Variants in OTOF observed in about 807,000 individuals in gnomAD.
OTOF encodes the protein otoferlin, also known as fer-1-like family member 2.
OTOF carries 218 observed loss-of-function variants against 236.8 expected under a neutral mutation model. The ratio of observed to expected loss-of-function variants is 0.92; its 90% CI spans 0.82 to 1.03. The LOEUF is 1.03. Among genes scored for constraint, OTOF ranks in the 50% least tolerant of loss-of-function variants. The pLI is 0.00. For synonymous variants in OTOF, 1,041 were observed against 1,072.5 expected (o/e 0.97, Z 0.57); for missense variants, 2,590 against 2,694.4 (o/e 0.96, Z 0.86).
rs140082965 is a variant in OTOF at position 26,466,714 on chromosome 2, C to G, written c.4500G>C (p.Arg1500=). ...INVLVRVYVV[R]ATDLHPADIN... is the part of the protein sequence containing the mutation. ...GGAGGGAAAGCGACGGGAGTCTCAC[C>G]CGGACCACATAGACTCGGACCAGCA... The change falls in exon 36 of 47, where the codon CGG becomes CGC. Residue 1500 remains arginine, a splice_region_variant and synonymous_variant. Coordinates refer to ENST00000272371, the MANE Select transcript of OTOF (RefSeq NM_194248.3). 4 of 1,614,050 alleles carry G rather than the reference C, an allele frequency of 2.5e-6. No individual in the cohort carries two copies. In the African/African-American group the frequency reaches 5.3e-5, roughly 22 times the overall value.
intron 8 of OTOF, among the ~76,000 whole-genome samples, chr2:26,497,070 T>C (rs1022178494): frequency 7.4e-5 from 11 of 149,384 alleles, no homozygotes; most frequent in Admixed American, 6.0e-4. Flanking sequence ...AGAATAAGCA[T>C]GGACCTCTGT....
At chr2:26,496,983 G>C (rs922577593) in intron 8 of OTOF, among the ~76,000 whole-genome samples, 1 of 151,768 alleles carries the variant, frequency 6.6e-6, no homozygotes, top group Admixed American at 6.6e-5. Context: ...TAGGGAGCTT[G>C]TGCATGATAC....
intron 5 of OTOF, among the ~76,000 whole-genome samples, chr2:26,514,151 G>A (rs1666459831): frequency 6.6e-6 from 1 of 152,396 alleles, no homozygotes; most frequent in East Asian, 1.9e-4. Context: ...AGAAGGTGTA[G>A]CAGCGATGCC....
intron 1 of OTOF, among the ~76,000 whole-genome samples, chr2:26,553,906 C>T (rs1667523249): frequency 6.6e-6 from 1 of 152,146 alleles, no homozygotes; most frequent in Admixed American, 6.5e-5. Flanking sequence ...GGCGCAGTGG[C>T]TCACACCTGT....
intron 30 of OTOF, among the ~76,000 whole-genome samples, chr2:26,471,767 C>T (rs116684289): frequency 0.029 from 4,392 of 152,218 alleles, 174 homozygotes; most frequent in African/African-American, 0.095. Context: ...CACGCATGTG[C>T]ACATACGCAC....
chr2:26,494,666 T>C (rs1464127145), intron 9 of OTOF, among the ~76,000 whole-genome samples: 1 of 123,570 alleles, frequency 8.1e-6, no homozygotes, highest in African/African-American at 3.2e-5. Context: ...TGGGGGGGGG[T>C]TCTTTCACAG....
intron 46 of OTOF, among the ~76,000 whole-genome samples, chr2:26,458,555 G>T (rs1278986255): frequency 6.6e-6 from 1 of 152,138 alleles, no homozygotes; most frequent in African/African-American, 2.4e-5. Context: ...CACGTCCTTG[G>T]TAAGACTGGT....
intron 2 of OTOF, among the ~76,000 whole-genome samples, chr2:26,530,397 G>A (rs192000336): frequency 3.3e-5 from 5 of 152,296 alleles, no homozygotes; most frequent in Admixed American, 2.0e-4. Flanking sequence ...CAGGGGAAGC[G>A]TGTGTAGGTG....
chr2:26,480,222 G>T lies in OTOF; in HGVS notation c.1893C>A (p.Ile631=), dbSNP rs746095139. The change falls in exon 16 of 47, where the codon ATC becomes ATA. Residue 631 remains isoleucine, a synonymous_variant. Coordinates refer to ENST00000272371, the MANE Select transcript of OTOF (RefSeq NM_194248.3). ...ACTCACCTATGGTGACCTCAAAGGT[G>T]ATGGGCTTGTCTCCGTTTCTCCGGT... is the stretch of plus-strand genomic sequence containing the variant. ...MIDRRNGDKP[I]TFEVTIGNYG... The T allele has an allele frequency of 6.8e-6, 11 of 1,611,010 alleles. No homozygotes were observed. The East Asian group carries it at 1.6e-4, about 23-fold the overall frequency.
chr2:26,542,094 G>A (rs565281235), intron 1 of OTOF, among the ~76,000 whole-genome samples: 3 of 152,350 alleles, frequency 2.0e-5, no homozygotes, highest in Non-Finnish European at 2.9e-5. Flanking sequence ...AAATGGAGAC[G>A]AGCTCAGTGC....
At position 26,475,082 on chromosome 2, in the gene OTOF, G is replaced by A. The variant is rs4458167; in HGVS notation, c.3126+277C>T. ...GGTCGGGGAGCCCTGGGGTGGGGAG[G>A]CTAGTGACAGCAGGACTTGCTGGCA... On this transcript the variant is annotated intron_variant, in intron 25 of 46. Coordinates refer to ENST00000272371, the MANE Select transcript of OTOF (RefSeq NM_194248.3). Among the ~76,000 whole-genome samples, 65,891 of 151,744 alleles carry A rather than the reference G, an allele frequency of 0.43. 15,759 individuals carry two copies. Among genetic ancestry groups the A allele is most frequent in the East Asian group, 0.98 (5,006 of 5,114 alleles).
At chr2:26,472,781 A>C (rs1665174320) in intron 29 of OTOF, 132 bp from the exon 30 acceptor site, 1 of 934,294 alleles carries the variant, frequency 1.1e-6, no homozygotes, top group South Asian at 1.4e-5. Context: ...ACAGGCAGTC[A>C]AGGGAGAAAA....
chr2:26,555,054 G>T (rs1377357553), intron 1 of OTOF, among the ~76,000 whole-genome samples: 3 of 152,164 alleles, frequency 2.0e-5, no homozygotes, highest in Non-Finnish European at 4.4e-5. Flanking sequence ...CAGAAGGTTG[G>T]ACTAGAAGAA....
At position 26,503,836 on chromosome 2, in the gene OTOF, C is replaced by A; in HGVS notation, c.519G>T (p.Arg173Ser). Residue 173 changes from arginine (R) to serine (S), a missense_variant, in exon 6 of 47, where the codon AGG becomes AGT. Transcript: ENST00000272371. ...CGAGCTTCATGGCGGAGAACACGCT[C>A]CTCCCGGCTCTGTGAGGGGGGCCAC... ...PGEKSFRRAG[R>S]SVFSAMKLGK... is the part of the protein sequence containing the mutation. The A allele has an allele frequency of 6.2e-7, 1 of 1,614,148 alleles. No individual in the cohort carries two copies. The highest frequency in any genetic ancestry group is 8.5e-7 in the Non-Finnish European group (1 of 1,179,994).
chr2:26,473,653 G>T lies in OTOF; in HGVS notation c.3409-86C>A. On this transcript the variant is annotated intron_variant, in intron 27 of 46. Transcript: ENST00000272371. This position sits in a 1 kb window ranked among gnomAD's most constrained non-coding sequence, Gnocchi z 7.2. ...TGGGGGTGCTGGACCATCCAATAGG[G>T]AACCGGGCAGTGGGATGGGCAGTAG... 7.2e-7 allele frequency: 1 copy of T among 1,381,554 alleles called. No homozygotes were observed. The highest frequency in any genetic ancestry group is 9.8e-7 in the Non-Finnish European group (1 of 1,015,878). 85.6% of individuals were successfully genotyped at this position (1,381,554 alleles called of 1,614,324 possible).
At position 26,480,948 on chromosome 2, in the gene OTOF, C is replaced by A; in HGVS notation, c.1641G>T (p.Thr547=). The A allele has an allele frequency of 6.2e-7, 1 of 1,613,030 alleles. No individual in the cohort carries two copies. Among genetic ancestry groups the A allele is most frequent in the Non-Finnish European group, 8.5e-7 (1 of 1,180,020 alleles). The change falls in exon 15 of 47, where the codon ACG becomes ACT. Residue 547 remains threonine (T), a synonymous_variant. Coordinates refer to ENST00000272371, the MANE Select transcript of OTOF (RefSeq NM_194248.3). The part of the protein sequence containing the change: ...VNMYGSTRNY[T]LLDEHQDLNE... ...TCAGGTCCTGATGCTCATCCAGCAGCGTGTAGTTACGTGTGGAGCCGTACA... is the reference window on the plus strand; with the variant it reads ...TCAGGTCCTGATGCTCATCCAGCAGAGTGTAGTTACGTGTGGAGCCGTACA...
Position 26,457,895 on chromosome 2 carries a change from C to G in OTOF, c.*343G>C. ...CCTGGGGCAGTGAGGACAGGCGGCC[C>G]CCGCAAGCAGGAGGCAGGCTCGGCC... On this transcript the variant is annotated 3_prime_UTR_variant, in exon 47 of 47. Transcript: ENST00000272371. This position sits in a 1 kb window ranked among gnomAD's most constrained non-coding sequence, Gnocchi z 4.4. The G allele has an allele frequency of 4.9e-6, 4 of 821,436 alleles. No individual in the cohort carries two copies. The Admixed American group carries it at 9.2e-5, about 19-fold the overall frequency. The allele number at this position is 821,436 out of a possible 1,614,324, so 50.9% of individuals were successfully genotyped here. A position where few individuals can be genotyped will look rare whatever the true frequency, so the allele number is the denominator to read the frequency against.
At chr2:26,465,147 G>A in intron 38 of OTOF, 118 bp from the exon 39 acceptor site, 2 of 847,824 alleles carry the variant, frequency 2.4e-6, no homozygotes, top group Non-Finnish European at 3.5e-6. Flanking sequence ...AAGTGAGCCT[G>A]ATTCCTCCTG....
At chr2:26,554,019 A>G (rs1667526227) in intron 1 of OTOF, among the ~76,000 whole-genome samples, 1 of 152,008 alleles carries the variant, frequency 6.6e-6, no homozygotes, top group Non-Finnish European at 1.5e-5. Flanking sequence ...AAAAATACAA[A>G]AATTAGTCGG....
Sources: gnomAD v4.1 joint callset for allele counts (sites outside exome capture counted in the v4.1 genomes callset) on GRCh38, gnomAD v4.1.1 for gene constraint, Gnocchi (gnomAD v3.1) non-coding constraint, MANE v1.5 for transcripts, NCBI Gene and HGNC (gene_info 2026-07-23, HGNC 2026-07-21) for gene names.